HNRNPC: variants seen among roughly 807,000 people sequenced by gnomAD.
HNRNPC encodes heterogeneous nuclear ribonucleoprotein C, also known as heterogeneous nuclear ribonucleoproteins C1/C2.
Under a neutral mutation model 33.2 loss-of-function variants are expected in HNRNPC, and 3 were observed. That is an observed-to-expected ratio of 0.09 (90% CI 0.04 to 0.23). The LOEUF is 0.23. Ranked by LOEUF, HNRNPC falls within the 10% of genes least tolerant of loss-of-function variation. HNRNPC has a pLI of 1.00. For missense variants in HNRNPC, 143 were observed against 366.7 expected (o/e 0.39, Z 4.98); for synonymous variants, 121 against 126.7 (o/e 0.96, Z 0.30).
At chr14:21,238,381 C>T (rs1894961641) in intron 2 of HNRNPC, among the ~76,000 whole-genome samples, 1 of 152,110 alleles carries the variant, frequency 6.6e-6, no homozygotes, top group Admixed American at 6.5e-5. Context: ...CATTTAAGAA[C>T]GGACAGTACA....
intron 2 of HNRNPC, among the ~76,000 whole-genome samples, chr14:21,245,503 T>A (rs11624535): frequency 0.22 from 23,980 of 109,488 alleles, 2,254 homozygotes; most frequent in South Asian, 0.27. Context: ...CCAAAAAAAA[T>A]ATATATATAT....
intron 7 of HNRNPC, 114 bp downstream of exon 7, chr14:21,211,696 C>G (rs1263260488): frequency 1.4e-6 from 2 of 1,416,774 alleles, no homozygotes; most frequent in East Asian, 4.6e-5. Context: ...CCAATTCACA[C>G]TCCCCAAGTT....
intron 2 of HNRNPC, among the ~76,000 whole-genome samples, chr14:21,258,158 C>A (rs754192813): frequency 6.6e-6 from 1 of 152,042 alleles, no homozygotes; most frequent in Non-Finnish European, 1.5e-5. Context: ...TTTGGGAAAT[C>A]GAGGTGGGCG....
intron 2 of HNRNPC, among the ~76,000 whole-genome samples, chr14:21,259,522 T>C (rs1877810954): frequency 6.6e-6 from 1 of 152,170 alleles, no homozygotes. Flanking sequence ...GTTTAAAATA[T>C]TCTTTTTCCC....
At chr14:21,221,941 C>T (rs929849905) in intron 5 of HNRNPC, among the ~76,000 whole-genome samples, 1 of 145,680 alleles carries the variant, frequency 6.9e-6, no homozygotes, top group Non-Finnish European at 1.5e-5. Flanking sequence ...CTCAGCTACT[C>T]GGTAGGCTGA....
At chr14:21,240,548 G>C (rs957158449) in intron 2 of HNRNPC, among the ~76,000 whole-genome samples, 1 of 152,154 alleles carries the variant, frequency 6.6e-6, no homozygotes, top group Non-Finnish European at 1.5e-5. Context: ...CAGGTTGTGA[G>C]AGCCCTGGAA....
chr14:21,248,325 G>A (rs1471443922), intron 2 of HNRNPC, among the ~76,000 whole-genome samples: 1 of 152,146 alleles, frequency 6.6e-6, no homozygotes, highest in African/African-American at 2.4e-5. Context: ...TTACAGGCGT[G>A]AGCCCCTGCA....
intron 5 of HNRNPC, among the ~76,000 whole-genome samples, chr14:21,226,766 G>C (rs1252066440): frequency 1.3e-5 from 2 of 151,366 alleles, no homozygotes; most frequent in African/African-American, 4.9e-5. Context: ...TGTAATCCCA[G>C]CTACCTGGGA....
intron 2 of HNRNPC, among the ~76,000 whole-genome samples, chr14:21,257,744 C>A (rs1316303221): frequency 6.6e-6 from 1 of 152,098 alleles, no homozygotes; most frequent in African/African-American, 2.4e-5. Flanking sequence ...GCCACCGTGC[C>A]CAGCTTTTTG....
chr14:21,231,583 A>T (rs532834754), intron 3 of HNRNPC, among the ~76,000 whole-genome samples: 1 of 152,330 alleles, frequency 6.6e-6, no homozygotes, highest in South Asian at 2.1e-4. Context: ...CACAGGTGTG[A>T]GCTATCAAGC....
chr14:21,225,601 A>G (rs1893334876), intron 5 of HNRNPC, among the ~76,000 whole-genome samples: 1 of 152,124 alleles, frequency 6.6e-6, no homozygotes, highest in Non-Finnish European at 1.5e-5. Flanking sequence ...GGCTGGTAGC[A>G]CCAGACGGGT....
At chr14:21,269,035 G>T (rs566773286) in intron 1 of HNRNPC, among the ~76,000 whole-genome samples, 2 of 152,216 alleles carry the variant, frequency 1.3e-5, no homozygotes, top group South Asian at 4.1e-4. Context: ...CGTAGAAAAT[G>T]AAAGGAAAGC....
At chr14:21,211,598 G>A (rs1268185623) in intron 7 of HNRNPC, 32 bp from the exon 8 acceptor site, 3 of 1,586,102 alleles carry the variant, frequency 1.9e-6, no homozygotes, top group Non-Finnish European at 2.6e-6. Context: ...CTGTCTAGGG[G>A]CAGTAATGTC....
At chr14:21,253,696 TTAAGTATTAGTGG>T (rs1344335246) in intron 2 of HNRNPC, among the ~76,000 whole-genome samples, 1 of 152,038 alleles carries the variant, frequency 6.6e-6, no homozygotes, top group Non-Finnish European at 1.5e-5. Flanking sequence ...AAACTAGAAA[TTAAGTATTAGTGG>T]CCGCTAACAC....
intron 2 of HNRNPC, among the ~76,000 whole-genome samples, chr14:21,250,101 A>G (rs1896466128): frequency 6.6e-6 from 1 of 152,110 alleles, no homozygotes; most frequent in Admixed American, 6.5e-5. Context: ...AAAAATACAA[A>G]AATTAGCTGG....
chr14:21,229,825 T>C (rs1478918084), intron 5 of HNRNPC, among the ~76,000 whole-genome samples: 1 of 152,256 alleles, frequency 6.6e-6, no homozygotes, highest in Non-Finnish European at 1.5e-5. Flanking sequence ...ATATATTGCA[T>C]GTTTAAAGTC....
chr14:21,211,530 C>G lies in HNRNPC; in HGVS notation c.674G>C (p.Ser225Thr), dbSNP rs201692862. The change falls in exon 8 of 9, where the codon AGC becomes ACC. Residue 225 changes from serine (S) to threonine (T), a missense_variant. Physicochemically the swap from Ser to Thr is moderately conservative, Grantham distance 58. Around this residue, in one of 2 missense-constraint regions of HNRNPC, gnomAD observed 131 missense variants for 253.0 expected, o/e 0.52. Transcript: ENST00000553300. ...MKNDKSEEEQ[S>T]SSSVKKDETN... ...CTCATCTTTCTTCACGGAGCTGCTG[C>G]TCTGCTCCTCTTCTGACTTATCATT... is the stretch of plus-strand genomic sequence containing the variant. 1 of 1,611,934 alleles carries G rather than the reference C, an allele frequency of 6.2e-7. No individual in the cohort carries two copies. The highest frequency in any genetic ancestry group is 1.7e-5 in the Admixed American group (1 of 59,842).
chr14:21,237,039 A>C (rs1325844205), intron 2 of HNRNPC, among the ~76,000 whole-genome samples: 2 of 152,234 alleles, frequency 1.3e-5, no homozygotes, highest in Admixed American at 1.3e-4. Context: ...AACAGGAACG[A>C]AATTTTAGAA....
rs1316581996 is a variant in HNRNPC at position 21,230,456 on chromosome 14, A to G, written c.318-90T>C. On this transcript the variant is annotated intron_variant, in intron 4 of 8. Transcript: ENST00000553300. ...AGGGGAGAACCATGCCAAATAAACC[A>G]CAACAAATAGATCAACAAGATTAGC... 13 of 854,072 alleles carry G rather than the reference A, an allele frequency of 1.5e-5. No individual in the cohort carries two copies. The Admixed American group carries it at 2.6e-4, about 17-fold the overall frequency. The allele number at this position is 854,072 out of a possible 1,614,324, so 52.9% of individuals were successfully genotyped here.
Sources: allele counts gnomAD v4.1 joint callset (sites outside exome capture counted in the v4.1 genomes callset), GRCh38; gene constraint gnomAD v4.1.1; regional missense constraint gnomAD v4.1.1; transcripts MANE v1.5; gene names NCBI Gene and HGNC (gene_info 2026-07-23, HGNC 2026-07-21).